PTBP2: variants seen among roughly 807,000 people sequenced by gnomAD.
PTBP2 encodes the protein polypyrimidine tract binding protein 2.
Under a neutral mutation model 61.4 loss-of-function variants are expected in PTBP2, and 13 were observed. That is an observed-to-expected ratio of 0.21 (90% CI 0.14 to 0.34). The LOEUF (loss-of-function observed/expected upper bound fraction) is 0.34. Ranked by LOEUF, PTBP2 falls within the 10% of genes least tolerant of loss-of-function variation. The pLI, the probability that PTBP2 is intolerant of heterozygous loss-of-function variation, is 1.00. For synonymous variants in PTBP2, 215 were observed against 218.5 expected, an observed-to-expected ratio of 0.98 and a Z score of 0.14; for missense variants, 405 against 642.6, an observed-to-expected ratio of 0.63 and a Z score of 4.00.
intron 3 of PTBP2, among the ~76,000 whole-genome samples, chr1:96,761,772 G>C (rs533589632): frequency 5.7e-4 from 86 of 151,914 alleles, no homozygotes; most frequent in African/African-American, 1.9e-3. Flanking sequence ...GATCATTCTT[G>C]GGTGTTTCTC....
At chr1:96,734,250 C>G (rs917159389) in intron 2 of PTBP2, among the ~76,000 whole-genome samples, 1 of 152,144 alleles carries the variant, frequency 6.6e-6, no homozygotes, top group Non-Finnish European at 1.5e-5. Flanking sequence ...TGCTTTTCCA[C>G]TTCTGTTATT....
intron 8 of PTBP2, among the ~76,000 whole-genome samples, chr1:96,800,360 T>G (rs1416957430): frequency 6.6e-6 from 1 of 150,852 alleles, no homozygotes; most frequent in Admixed American, 6.6e-5. Context: ...TTTACTAAAG[T>G]ACAAGATTAT....
chr1:96,762,577 C>T (rs1205015890), intron 3 of PTBP2, among the ~76,000 whole-genome samples: 3 of 135,912 alleles, frequency 2.2e-5, no homozygotes, highest in Admixed American at 7.2e-5. Flanking sequence ...GACGGGGCGG[C>T]TGGCCGGGCA....
chr1:96,793,907 C>A (rs1660107547), intron 8 of PTBP2, among the ~76,000 whole-genome samples: 1 of 152,106 alleles, frequency 6.6e-6, no homozygotes, highest in Non-Finnish European at 1.5e-5. Context: ...GTTACTACGT[C>A]ATTTCATGTT....
At chr1:96,754,684 A>G (rs1377615192) in intron 3 of PTBP2, among the ~76,000 whole-genome samples, 2 of 152,218 alleles carry the variant, frequency 1.3e-5, no homozygotes, top group Non-Finnish European at 2.9e-5. Context: ...CAGAGCAGAG[A>G]GTTCAGAAGT....
At chr1:96,761,346 ATGTGTGTG>A (rs57451223) in intron 3 of PTBP2, among the ~76,000 whole-genome samples, 22,090 of 140,472 alleles carry the variant, frequency 0.16, 1,717 homozygotes, top group Middle Eastern at 0.21. Flanking sequence ...GTGGGATTTG[ATGTGTGTG>A]TGTGTGTGTG....
chr1:96,815,250 T>C (rs896627464), downstream of PTBP2: 5 of 151,790 alleles, frequency 3.3e-5, no homozygotes, highest in Non-Finnish European at 7.4e-5. Flanking sequence ...GGATTTGCCA[T>C]GCTCTCTTGC....
At chr1:96,792,525 C>T (rs1659956861) in intron 8 of PTBP2, among the ~76,000 whole-genome samples, 1 of 152,052 alleles carries the variant, frequency 6.6e-6, no homozygotes, top group Admixed American at 6.6e-5. Context: ...CGTCTTCTCA[C>T]CTGTAGAATA....
At chr1:96,778,742 T>G (rs1658322631) in intron 7 of PTBP2, among the ~76,000 whole-genome samples, 1 of 152,118 alleles carries the variant, frequency 6.6e-6, no homozygotes, top group East Asian at 1.9e-4. Flanking sequence ...TTCATTCTTT[T>G]ACTTTCAGAT....
chr1:96,739,801 A>AT (rs1334961325), intron 2 of PTBP2, among the ~76,000 whole-genome samples: 4 of 150,332 alleles, frequency 2.7e-5, no homozygotes, highest in East Asian at 2.0e-4. Flanking sequence ...ATATATATAT[A>AT]TTTTTTAGTA....
intron 2 of PTBP2, among the ~76,000 whole-genome samples, chr1:96,728,928 C>G (rs2100796037): frequency 6.6e-6 from 1 of 151,700 alleles, no homozygotes; most frequent in South Asian, 2.1e-4. Flanking sequence ...ACTTAATTTC[C>G]AATTGTTTGC....
At chr1:96,771,406 G>A (rs1657365199) in intron 5 of PTBP2, 1 of 151,806 alleles carries the variant, frequency 6.6e-6, no homozygotes, top group African/African-American at 2.4e-5. Flanking sequence ...AACTTTAGCT[G>A]TTTTAATATA....
At chr1:96,809,609 C>T (rs1303147933) in intron 11 of PTBP2, among the ~76,000 whole-genome samples, 2 of 152,052 alleles carry the variant, frequency 1.3e-5, no homozygotes, top group Non-Finnish European at 2.9e-5. Context: ...ACCTCCCAGG[C>T]TTAAGCAGTC....
chr1:96,795,389 A>G (rs1182608256), intron 8 of PTBP2, among the ~76,000 whole-genome samples: 1 of 152,224 alleles, frequency 6.6e-6, no homozygotes, highest in East Asian at 1.9e-4. Flanking sequence ...GAGAAAAATG[A>G]AGCATGTGGA....
At chr1:96,742,172 A>AT (rs964409573) in intron 2 of PTBP2, among the ~76,000 whole-genome samples, 1 of 151,972 alleles carries the variant, frequency 6.6e-6, no homozygotes, top group Admixed American at 6.6e-5. Flanking sequence ...TAAAATGGCA[A>AT]TTTTTTTTGA....
intron 3 of PTBP2, among the ~76,000 whole-genome samples, chr1:96,756,678 ACT>A (rs957665676): frequency 6.6e-5 from 10 of 152,234 alleles, no homozygotes; most frequent in African/African-American, 2.4e-4. Context: ...AAAAGAAGCC[ACT>A]CTGAAAATTC....
chr1:96,775,079 C>T (rs1479593669), intron 5 of PTBP2, among the ~76,000 whole-genome samples: 2 of 152,146 alleles, frequency 1.3e-5, no homozygotes, highest in African/African-American at 4.8e-5. Context: ...TATTTCTTCT[C>T]CTAAAAGCTA....
intron 7 of PTBP2, among the ~76,000 whole-genome samples, chr1:96,781,255 T>A (rs1422388335): frequency 6.6e-6 from 1 of 152,020 alleles, no homozygotes; most frequent in South Asian, 2.1e-4. Context: ...CTCACCATTT[T>A]GACATCTTCC....
At chr1:96,724,035 G>C (rs1479367052) in intron 2 of PTBP2, among the ~76,000 whole-genome samples, 1 of 152,104 alleles carries the variant, frequency 6.6e-6, no homozygotes, top group Non-Finnish European at 1.5e-5. Context: ...GAATTACACT[G>C]ATCCTTAAAA....
Sources: allele counts gnomAD v4.1 joint callset (sites outside exome capture counted in the v4.1 genomes callset), GRCh38; gene constraint gnomAD v4.1.1; transcripts MANE v1.5; gene names NCBI Gene and HGNC (gene_info 2026-07-23, HGNC 2026-07-21).